The following NCALD variants were observed in gnomAD, a reference collection of about 807,000 sequenced individuals.
NCALD encodes the protein neurocalcin-delta.
In NCALD, 10 loss-of-function variants were observed where a neutral mutation model predicts 18.6. The ratio of observed to expected loss-of-function variants is 0.54; its 90% CI spans 0.33 to 0.91. The LOEUF is 0.91. NCALD is among the 40% of genes least tolerant of loss of function. The pLI is 0.03. For synonymous variants in NCALD, 88 were observed against 87.4 expected (o/e 1.01, Z -0.04); for missense variants, 184 against 247.6 (o/e 0.74, Z 1.72).
At chr8:101,726,726 T>G (rs1816589565) in intron 1 of NCALD, among the ~76,000 whole-genome samples, 1 of 151,934 alleles carries the variant, frequency 6.6e-6, no homozygotes, top group East Asian at 1.9e-4. Flanking sequence ...GAGGAAGAGG[T>G]TCAGTGAGGC....
At chr8:101,817,364 T>C (rs1354543058) in intron 4 of NCALD, among the ~76,000 whole-genome samples, 1 of 152,196 alleles carries the variant, frequency 6.6e-6, no homozygotes, top group African/African-American at 2.4e-5. Flanking sequence ...TAAAAGTTCA[T>C]GCCTTGGAGT....
At chr8:102,065,306 G>C (rs1245468777) in intron 1 of NCALD, among the ~76,000 whole-genome samples, 2 of 151,414 alleles carry the variant, frequency 1.3e-5, no homozygotes, top group African/African-American at 2.4e-5. Context: ...ATACGCAGGC[G>C]CCACCACCCA....
intron 4 of NCALD, among the ~76,000 whole-genome samples, chr8:101,860,003 T>C (rs1330938050): frequency 6.6e-6 from 1 of 152,234 alleles, no homozygotes; most frequent in African/African-American, 2.4e-5. Context: ...GATAGGTTAT[T>C]ATTTTTTAAA....
At chr8:101,813,461 T>A (rs896884501) in intron 4 of NCALD, among the ~76,000 whole-genome samples, 2 of 152,148 alleles carry the variant, frequency 1.3e-5, no homozygotes, top group African/African-American at 4.8e-5. Flanking sequence ...AGGAGGTAAC[T>A]GAGTTACTTG....
chr8:101,831,549 T>A (rs73696637), intron 4 of NCALD, among the ~76,000 whole-genome samples: 3,542 of 152,308 alleles, frequency 0.023, 139 homozygotes, highest in African/African-American at 0.079. Context: ...TACTTCTATA[T>A]ATTCTTTTGA....
chr8:101,844,515 A>G (rs1366517742), intron 4 of NCALD, among the ~76,000 whole-genome samples: 2 of 151,944 alleles, frequency 1.3e-5, no homozygotes, highest in African/African-American at 4.8e-5. Flanking sequence ...ACACACCATC[A>G]TGCCCAACTA....
chr8:101,701,366 T>C (rs1199456998), intron 2 of NCALD, among the ~76,000 whole-genome samples: 1 of 152,168 alleles, frequency 6.6e-6, no homozygotes, highest in Non-Finnish European at 1.5e-5. Context: ...GCAATGTCAA[T>C]GAGAGGTCTA....
At chr8:101,771,783 A>G (rs765567089) in intron 1 of NCALD, among the ~76,000 whole-genome samples, 8 of 152,224 alleles carry the variant, frequency 5.3e-5, no homozygotes, top group Non-Finnish European at 1.0e-4. Context: ...ATAGCCTAAG[A>G]AAACACATCT....
intron 3 of NCALD, chr8:101,691,828 C>T (rs751602062): frequency 1.9e-5 from 19 of 985,252 alleles, no homozygotes; most frequent in East Asian, 1.1e-4. Flanking sequence ...TATAGATCAG[C>T]GCCAGGTGGG....
At chr8:102,095,741 G>GT (rs1825073453) in intron 1 of NCALD, among the ~76,000 whole-genome samples, 2 of 152,150 alleles carry the variant, frequency 1.3e-5, no homozygotes, top group African/African-American at 2.4e-5. Flanking sequence ...TCTGAAGATG[G>GT]TTTTTTCATT....
chr8:101,719,707 T>C (rs1360347019), intron 1 of NCALD, 59 bp from the exon 2 acceptor site: 2 of 1,424,424 alleles, frequency 1.4e-6, no homozygotes, highest in Admixed American at 2.4e-5. Flanking sequence ...GGCTGCATTT[T>C]ATAATTTGTA....
intron 4 of NCALD, among the ~76,000 whole-genome samples, chr8:101,834,825 C>T (rs973246288): frequency 1.3e-5 from 2 of 152,208 alleles, no homozygotes; most frequent in African/African-American, 2.4e-5. Flanking sequence ...CCAACTTAAA[C>T]TGTATCAAGT....
intron 1 of NCALD, among the ~76,000 whole-genome samples, chr8:102,104,629 C>CTTTATTACAACTT (rs1311126371): frequency 5.9e-5 from 9 of 152,148 alleles, no homozygotes; most frequent in African/African-American, 2.2e-4. Context: ...TTTATTACAG[C>CTTTATTACAACTT]TGTCCAGTTA....
At chr8:102,114,193 CT>C (rs1825717026) in intron 1 of NCALD, among the ~76,000 whole-genome samples, 1 of 152,204 alleles carries the variant, frequency 6.6e-6, no homozygotes, top group African/African-American at 2.4e-5. Context: ...ATGTCTAGCT[CT>C]CAAACATACG....
At position 101,864,657 on chromosome 8, in the gene NCALD, C is replaced by T. The variant is rs150295073; in HGVS notation, c.-20+22484G>A. ...TTGCCCAGGCTGGAGTGCAATGGCACGATCTTGACTCACTGCAACCTCCGC... is the reference window on the plus strand; with the variant it reads ...TTGCCCAGGCTGGAGTGCAATGGCATGATCTTGACTCACTGCAACCTCCGC... On this transcript the variant is annotated intron_variant, in intron 4 of 6. Transcript: ENST00000311028. Among the ~76,000 whole-genome samples, 12 of 149,830 alleles carry T rather than the reference C, an allele frequency of 8.0e-5. No homozygotes were observed. The East Asian group carries it at 1.6e-3, about 20-fold the overall frequency.
chr8:101,942,629 C>G (rs1819000878), intron 2 of NCALD, among the ~76,000 whole-genome samples: 1 of 152,122 alleles, frequency 6.6e-6, no homozygotes, highest in Admixed American at 6.5e-5. Context: ...CGTGTTCTAC[C>G]TAACTAATTC....
At position 101,854,159 on chromosome 8, in the gene NCALD, C is replaced by T. The variant is rs546551604; in HGVS notation, c.-20+32982G>A. Among the ~76,000 whole-genome samples the T allele has an allele frequency of 5.9e-5, 9 of 152,292 alleles. No individual in the cohort carries two copies. In the East Asian group the frequency reaches 1.5e-3, roughly 26 times the overall value. ...AGAAAGGAGAGAGTATTCCCTTATGCCAACGAGGTCTCTCTGAGTTGTTTG... is the reference window on the plus strand; with the variant it reads ...AGAAAGGAGAGAGTATTCCCTTATGTCAACGAGGTCTCTCTGAGTTGTTTG... On this transcript the variant is annotated intron_variant, in intron 4 of 6. Coordinates refer to the NCALD transcript ENST00000311028.
chr8:101,893,341 C>A (rs1467572007), intron 3 of NCALD, among the ~76,000 whole-genome samples: 4 of 150,742 alleles, frequency 2.7e-5, no homozygotes, highest in East Asian at 3.9e-4. Context: ...CCAGGCCTGA[C>A]CTAAAAGAGC....
intron 4 of NCALD, among the ~76,000 whole-genome samples, chr8:101,882,849 C>T (rs1399230972): frequency 1.3e-5 from 2 of 152,136 alleles, no homozygotes; most frequent in Non-Finnish European, 2.9e-5. Context: ...AAGACAGGCA[C>T]AGTTGAAAAC....
Sources: gnomAD v4.1 joint callset for allele counts (sites outside exome capture counted in the v4.1 genomes callset) on GRCh38, gnomAD v4.1.1 for gene constraint, MANE v1.5 for transcripts, NCBI Gene and HGNC (gene_info 2026-07-23, HGNC 2026-07-21) for gene names.